The following PRPF3 variants were observed in gnomAD, a reference collection of about 807,000 sequenced individuals.
PRPF3 encodes pre-mRNA processing factor 3.
In PRPF3, 3 loss-of-function variants were observed where a neutral mutation model predicts 89.2. The observed-to-expected ratio is 0.03, with a 90% confidence interval of 0.02 to 0.09. PRPF3 has a LOEUF of 0.09. PRPF3 is among the 10% of genes least tolerant of loss of function. The pLI is 1.00. For synonymous variants in PRPF3, 270 were observed against 289.1 expected (o/e 0.93, Z 0.67); for missense variants, 463 against 828.8 (o/e 0.56, Z 5.42).
intron 12 of PRPF3, 161 bp from the exon 13 acceptor site, chr1:150,345,857 A>T (rs1276284933): frequency 1.4e-6 from 1 of 724,326 alleles, no homozygotes; most frequent in Non-Finnish European, 2.5e-6. Flanking sequence ...ATATTTCTAG[A>T]CTCATCAACT....
intron 4 of PRPF3, 124 bp downstream of exon 4, chr1:150,328,590 TCACC>T: frequency 9.1e-7 from 1 of 1,104,038 alleles, no homozygotes; most frequent in South Asian, 1.5e-5. Flanking sequence ...TTTGCTCTTG[TCACC>T]CAGGCTGGAA....
In PRPF3 at chr1:150,340,339, C is replaced by T. The variant is rs980294829; in HGVS notation, c.1203-59C>T. On this transcript the variant is annotated intron_variant, in intron 8 of 15. Coordinates refer to ENST00000324862, the MANE Select transcript of PRPF3 (RefSeq NM_004698.4). The stretch of plus-strand genomic sequence containing the variant: ...GTTTTTTCATTGTATTTCTGAGACT[C>T]CTCTCTTAGAATCATCTCTACCCGC... 1.8e-4 allele frequency: 222 copies of T among 1,251,506 alleles called. 1 individual carries two copies. The South Asian group carries it at 2.5e-3, about 14-fold the overall frequency. 77.5% of individuals were successfully genotyped at this position (1,251,506 alleles called of 1,614,324 possible).
At chr1:150,344,367 T>C (rs782264041) in intron 11 of PRPF3, 67 bp from the exon 12 acceptor site, 13 of 1,613,968 alleles carry the variant, frequency 8.1e-6, no homozygotes, top group African/African-American at 1.3e-5. Context: ...TGCTCTCTCT[T>C]TCCCTCAGCC....
intron 7 of PRPF3, among the ~76,000 whole-genome samples, chr1:150,336,066 C>T (rs1167400502): frequency 6.6e-6 from 1 of 152,110 alleles, no homozygotes; most frequent in African/African-American, 2.4e-5. Flanking sequence ...CTGTGCTGGC[C>T]TATTTCTATT....
In PRPF3 at chr1:150,344,449, C is replaced by G. The variant is rs1553872360; in HGVS notation, c.1542C>G (p.Ala514=). Residue 514 remains alanine (A), a synonymous_variant, in exon 12 of 16, where the codon GCC becomes GCG. Transcript: ENST00000324862. The part of the protein sequence containing the change: ...MAKRQKAHEE[A]NAARKLTAEQ... ...GTCACGACAGAGCGCATGAAGAGGC[C>G]AACGCTGCCCGAAAACTCACAGCAG... The G allele has an allele frequency of 1.2e-6, 2 of 1,614,048 alleles. No individual in the cohort carries two copies. The highest frequency in any genetic ancestry group is 2.2e-5 in the East Asian group (1 of 44,890).
In PRPF3 at chr1:150,328,329, G is replaced by A; in HGVS notation, c.286G>A (p.Gly96Ser). 6.2e-7 allele frequency: 1 copy of A among 1,613,956 alleles called. No homozygotes were observed. The change falls in exon 4 of 16, where the codon GGT becomes AGT. Residue 96 changes from glycine (G) to serine (S), a missense_variant. By Grantham distance (56) the Gly-to-Ser change is moderately conservative. Transcript: ENST00000324862. ...TCTTGGGTTCCCTTAGGAGGTGTTT[G>A]GTGATGACTCTGAGATCTCTAAAGA... ...SRKRELKEVF[G>S]DDSEISKESS...
chr1:150,332,848 G>T, intron 5 of PRPF3, 81 bp downstream of exon 5: 1 of 1,521,124 alleles, frequency 6.6e-7, no homozygotes, highest in South Asian at 1.1e-5. Flanking sequence ...GAGACTAGAA[G>T]AGGTGACTAC....
At chr1:150,336,486 G>T (rs116780502) in intron 7 of PRPF3, among the ~76,000 whole-genome samples, 12,454 of 152,200 alleles carry the variant, frequency 0.082, 680 homozygotes, top group Non-Finnish European at 0.12. Context: ...TGCTGGACAA[G>T]ATGGCTCAAG....
chr1:150,341,400 A>ATTTTT lies in PRPF3; in HGVS notation c.1282+941_1282+945dup, dbSNP rs1169772517. 3.8e-3 allele frequency among the ~76,000 whole-genome samples: 392 copies of ATTTTT among 101,826 alleles called. 5 individuals are homozygous for ATTTTT. Among genetic ancestry groups the ATTTTT allele is most frequent in the African/African-American group, 0.013 (342 of 27,002 alleles). 66.8% of individuals were successfully genotyped at this position (101,826 alleles called of 152,430 possible). A position where few individuals can be genotyped will look rare whatever the true frequency, so the allele number is the denominator to read the frequency against. On this transcript the variant is annotated intron_variant, in intron 9 of 15. Coordinates refer to ENST00000324862, the MANE Select transcript of PRPF3 (RefSeq NM_004698.4). The stretch of plus-strand genomic sequence containing the variant: ...GAAACTGGGAAACAAAGTTGCTTCT[A>ATTTTT]TTTTTTTTTTTTTTTTTTTTTTGAG...
Position 150,333,038 on chromosome 1 carries a change from C to T in PRPF3, c.567C>T (p.Pro189=). Residue 189 remains proline, a synonymous_variant, in exon 6 of 16, where the codon CCC becomes CCT. Transcript: ENST00000324862. ...TTCCTATTGGCAACACTATTCAGCCCTCCCAGGCTGCCACTTTCATGAATG... is the reference window on the plus strand; with the variant it reads ...TTCCTATTGGCAACACTATTCAGCCTTCCCAGGCTGCCACTTTCATGAATG... The part of the protein sequence containing the change: ...ERLPIGNTIQ[P]SQAATFMNDA... 1 of 1,614,128 alleles carries T rather than the reference C, an allele frequency of 6.2e-7. No individual in the cohort carries two copies. Among genetic ancestry groups the T allele is most frequent in the Non-Finnish European group, 8.5e-7 (1 of 1,180,024 alleles).
rs782252250 is a variant in PRPF3, at chr1:150,343,502, C to T, written c.1426+50C>T. On this transcript the variant is annotated intron_variant, in intron 10 of 15. Transcript: ENST00000324862. ...GTTAAAAAGAGTGGCAAGTTTATGT[C>T]TTTAATCCTGGAGGAACTTTAACAT... The T allele has an allele frequency of 6.9e-6, 11 of 1,600,786 alleles. No individual in the cohort carries two copies. In the Admixed American group the frequency reaches 8.4e-5, roughly 12 times the overall value.
At chr1:150,326,484 T>A (rs1655725059) in intron 3 of PRPF3, among the ~76,000 whole-genome samples, 1 of 152,166 alleles carries the variant, frequency 6.6e-6, no homozygotes, top group African/African-American at 2.4e-5. Context: ...GATCCTGGCC[T>A]CTTTCAGTAT....
intron 14 of PRPF3, 129 bp from the exon 15 acceptor site, chr1:150,349,028 A>C: frequency 1.2e-6 from 1 of 812,902 alleles, no homozygotes; most frequent in South Asian, 1.4e-5. Context: ...AAAGAGCAAC[A>C]GAAAAGAGAA....
At position 150,346,634 on chromosome 1, in the gene PRPF3, T is replaced by G. The variant is rs1658297538; in HGVS notation, c.1843+143T>G. ...GAATTTTAGAAAGACCCGTTTAGACTTTGAGCCTCCTAGACATTCATACAA... is the reference window on the plus strand; with the variant it reads ...GAATTTTAGAAAGACCCGTTTAGACGTTGAGCCTCCTAGACATTCATACAA... On this transcript the variant is annotated intron_variant, in intron 14 of 15. Transcript: ENST00000324862. 3 of 815,776 alleles carry G rather than the reference T, an allele frequency of 3.7e-6. No homozygotes were observed. In the East Asian group the frequency reaches 7.7e-5, roughly 21 times the overall value. 50.5% of individuals were successfully genotyped at this position (815,776 alleles called of 1,614,324 possible). A position where few individuals can be genotyped will look rare whatever the true frequency, so the allele number is the denominator to read the frequency against.
At chr1:150,342,475 G>A (rs1553871539) in intron 9 of PRPF3, among the ~76,000 whole-genome samples, 1 of 151,818 alleles carries the variant, frequency 6.6e-6, no homozygotes, top group South Asian at 2.1e-4. Flanking sequence ...CCTTATTAAC[G>A]AGTTTTCTTC....
intron 14 of PRPF3, 158 bp from the exon 15 acceptor site, chr1:150,348,999 A>T (rs1553873734): frequency 8.5e-6 from 6 of 705,694 alleles, no homozygotes; most frequent in Non-Finnish European, 1.5e-5. Flanking sequence ...TGGAGCTTCA[A>T]GTCTAATTTG....
intron 10 of PRPF3, 49 bp downstream of exon 10, chr1:150,343,501 T>C: frequency 6.2e-7 from 1 of 1,601,788 alleles, no homozygotes; most frequent in South Asian, 1.1e-5. Flanking sequence ...CAAGTTTATG[T>C]CTTTAATCCT....
rs141281367 is a variant in PRPF3 at position 150,340,444 on chromosome 1, C to T, written c.1249C>T (p.Leu417Phe). 3 of 1,607,762 alleles carry T rather than the reference C, an allele frequency of 1.9e-6. No individual in the cohort carries two copies. Among genetic ancestry groups the T allele is most frequent in the South Asian group, 1.1e-5 (1 of 90,980 alleles). ...KREDYFGITN[L>F]VEHPAQLNPP... ...AGAAGATTATTTTGGAATCACAAATCTTGTTGAACATCCAGCCCAGCTCAA... is the reference window on the plus strand; with the variant it reads ...AGAAGATTATTTTGGAATCACAAATTTTGTTGAACATCCAGCCCAGCTCAA... Residue 417 changes from leucine (L) to phenylalanine (F), a missense_variant, in exon 9 of 16, where the codon CTT becomes TTT. By Grantham distance (22) the Leu-to-Phe change is conservative. Coordinates refer to ENST00000324862, the MANE Select transcript of PRPF3 (RefSeq NM_004698.4).
At chr1:150,325,925 A>T in intron 3 of PRPF3, 44 bp downstream of exon 3, 1 of 1,604,086 alleles carries the variant, frequency 6.2e-7, no homozygotes, top group Non-Finnish European at 8.5e-7. Flanking sequence ...ACTGTTTTGA[A>T]TGGTAACAGA....
Sources: allele counts gnomAD v4.1 joint callset (sites outside exome capture counted in the v4.1 genomes callset), GRCh38; gene constraint gnomAD v4.1.1; transcripts MANE v1.5; gene names NCBI Gene and HGNC (gene_info 2026-07-23, HGNC 2026-07-21).